The following SENP1 variants were observed in gnomAD, a reference collection of about 807,000 sequenced individuals.
SENP1 encodes the protein SUMO specific peptidase 1.
In SENP1, 21 loss-of-function variants were observed where a neutral mutation model predicts 93.0. The observed-to-expected ratio is 0.23, with a 90% CI of 0.16 to 0.33. The LOEUF (loss-of-function observed/expected upper bound fraction) is 0.33. Ranked by LOEUF, SENP1 falls within the 10% of genes least tolerant of loss-of-function variation. The pLI is 1.00. For synonymous variants in SENP1, 256 were observed against 259.6 expected (o/e 0.99, Z 0.13); for missense variants, 591 against 758.7 (o/e 0.78, Z 2.60).
chr12:48,067,808 T>TA (rs1193598266), intron 9 of SENP1, among the ~76,000 whole-genome samples: 188 of 144,344 alleles, frequency 1.3e-3, no homozygotes, highest in Non-Finnish European at 1.9e-3. Context: ...TTCTGTCTCT[T>TA]AAAAAAAAAA....
At chr12:48,089,661 T>C (rs756833888) in intron 4 of SENP1, among the ~76,000 whole-genome samples, 1 of 152,236 alleles carries the variant, frequency 6.6e-6, no homozygotes, top group African/African-American at 2.4e-5. Context: ...ATCAAAAACC[T>C]CCTGAAGTTT....
At chr12:48,073,840 A>T (rs556136618) in intron 8 of SENP1, among the ~76,000 whole-genome samples, 1 of 152,354 alleles carries the variant, frequency 6.6e-6, no homozygotes, top group South Asian at 2.1e-4. Flanking sequence ...CTGAGTATAT[A>T]TACTTTGACT....
intron 12 of SENP1, among the ~76,000 whole-genome samples, chr12:48,064,188 G>A (rs1943139023): frequency 6.6e-6 from 1 of 152,116 alleles, no homozygotes; most frequent in African/African-American, 2.4e-5. Context: ...ATGACTTCCT[G>A]AGAAACAGAA....
intron 6 of SENP1, among the ~76,000 whole-genome samples, chr12:48,078,459 T>C (rs761128467): frequency 4.2e-4 from 63 of 151,326 alleles, no homozygotes; most frequent in Non-Finnish European, 7.8e-4. Flanking sequence ...TTTGAACAGT[T>C]CTTTGGTGGA....
chr12:48,078,315 TTTTA>T (rs1592396205), intron 6 of SENP1, among the ~76,000 whole-genome samples: 2 of 6,636 alleles, frequency 3.0e-4, no homozygotes, highest in South Asian at 0.011. Flanking sequence ...GTCTGTAGGA[TTTTA>T]TATATATATA....
intron 12 of SENP1, 25 bp downstream of exon 12, chr12:48,065,040 T>A (rs750192775): frequency 6.8e-7 from 1 of 1,465,478 alleles, no homozygotes; most frequent in Non-Finnish European, 9.5e-7. Context: ...CTTAGTAGTG[T>A]AGAAATTAAG....
intron 5 of SENP1, among the ~76,000 whole-genome samples, chr12:48,087,595 G>A (rs1012182109): frequency 1.1e-4 from 17 of 152,182 alleles, no homozygotes; most frequent in African/African-American, 4.1e-4. Flanking sequence ...ACACACCAAG[G>A]AAAAGGGATT....
At chr12:48,089,864 TCTTTTAAAACATA>T (rs1443257832) in intron 4 of SENP1, among the ~76,000 whole-genome samples, 2 of 152,232 alleles carry the variant, frequency 1.3e-5, no homozygotes, top group African/African-American at 4.8e-5. Flanking sequence ...TTGAAGATAT[TCTTTTAAAACATA>T]TTACTATAGA....
intron 6 of SENP1, among the ~76,000 whole-genome samples, chr12:48,082,586 T>C (rs1944563561): frequency 6.6e-6 from 1 of 151,514 alleles, no homozygotes; most frequent in Admixed American, 6.6e-5. Context: ...TGCAAGGTAA[T>C]TATTATTCAT....
chr12:48,054,397 C>T (rs1264441292), intron 13 of SENP1, among the ~76,000 whole-genome samples: 2 of 152,144 alleles, frequency 1.3e-5, no homozygotes, highest in Admixed American at 1.3e-4. Context: ...GTTCTGAAAT[C>T]TAATTTGTAT....
intron 1 of SENP1, among the ~76,000 whole-genome samples, chr12:48,102,431 C>CAA (rs57161608): frequency 0.011 from 531 of 46,838 alleles, 6 homozygotes; most frequent in African/African-American, 0.032. Context: ...GACTCTGTCT[C>CAA]AAAAAAAAAA....
chr12:48,098,382 C>T (rs1033034706), intron 2 of SENP1, among the ~76,000 whole-genome samples: 2 of 151,992 alleles, frequency 1.3e-5, no homozygotes, highest in African/African-American at 4.8e-5. Context: ...TGGTGGCTCA[C>T]ACCTGTAATC....
intron 4 of SENP1, among the ~76,000 whole-genome samples, chr12:48,093,781 A>G (rs531526526): frequency 1.3e-5 from 2 of 152,068 alleles, no homozygotes; most frequent in South Asian, 4.1e-4. Context: ...CCTGGACAAC[A>G]TGGCGAAACT....
chr12:48,066,798 C>T, intron 10 of SENP1, 129 bp downstream of exon 10: 1 of 726,994 alleles, frequency 1.4e-6, no homozygotes, highest in South Asian at 1.6e-5. Context: ...AGGCGTGAGC[C>T]ACCGCGCCCA....
Position 48,048,070 on chromosome 12 carries a change from A to C in SENP1, c.1622T>G (p.Phe541Cys). 6.2e-7 allele frequency: 1 copy of C among 1,602,010 alleles called. No individual in the cohort carries two copies. The highest frequency in any genetic ancestry group is 8.6e-7 in the Non-Finnish European group (1 of 1,169,334). ...GVHWCLAVVD[F>C]RKKNITYYDS... The stretch of plus-strand genomic sequence containing the variant: ...GTAATAGGTAATATTCTTCTTTCTA[A>C]AGTCCACAACCTGAGAATAAGAAAA... Residue 541 changes from phenylalanine to cysteine, a missense_variant, in exon 15 of 18, where the codon TTT (phenylalanine) becomes TGT (cysteine). Phe to Cys is a radical substitution (Grantham distance 205, BLOSUM62 -2). Around this residue, in one of 4 missense-constraint regions of SENP1, gnomAD observed 132 missense variants for 230.1 expected, o/e 0.57. Coordinates refer to ENST00000549518, the MANE Select transcript of SENP1 (RefSeq NM_001267594.2).
At chr12:48,073,460 G>A (rs1943855719) in intron 8 of SENP1, among the ~76,000 whole-genome samples, 1 of 151,536 alleles carries the variant, frequency 6.6e-6, no homozygotes, top group South Asian at 2.1e-4. Context: ...GGAGGGGAAA[G>A]ACTAGTGCTC....
In SENP1 at chr12:48,063,756, C is replaced by T. The variant is rs753146530; in HGVS notation, c.1361G>A (p.Arg454His). The T allele has an allele frequency of 5.6e-6, 9 of 1,613,060 alleles. No homozygotes were observed. The highest frequency in any genetic ancestry group is 3.3e-5 in the South Asian group (3 of 91,030). The change falls in exon 13 of 18, where the codon CGC (arginine) becomes CAC (histidine). Residue 454 changes from arginine to histidine, a missense_variant. Arg to His is a conservative substitution (Grantham distance 29). Coordinates refer to ENST00000549518, the MANE Select transcript of SENP1 (RefSeq NM_001267594.2). The stretch of plus-strand genomic sequence containing the variant: ...ATGGTTTAGAGTTTGAATATCTTTG[C>T]GTGTAATGGTCAGGCGAAATGCTTC... The part of the protein sequence containing the change: ...LSEAFRLTIT[R>H]KDIQTLNHLN...
intron 17 of SENP1, 43 bp from the exon 18 acceptor site, chr12:48,045,427 C>T: frequency 1.3e-6 from 2 of 1,546,918 alleles, no homozygotes; most frequent in Non-Finnish European, 1.8e-6. Flanking sequence ...ATGCTTTTGT[C>T]TAGACCTGAT....
At chr12:48,052,884 T>C (rs1367935957) in intron 13 of SENP1, among the ~76,000 whole-genome samples, 5 of 152,222 alleles carry the variant, frequency 3.3e-5, no homozygotes, top group Non-Finnish European at 7.3e-5. Context: ...TAGAAAACTT[T>C]AGTTCTGATC....
Sources: gnomAD v4.1 joint callset for allele counts (sites outside exome capture counted in the v4.1 genomes callset) on GRCh38, gnomAD v4.1.1 for gene constraint, gnomAD v4.1.1 regional missense constraint, MANE v1.5 for transcripts, NCBI Gene and HGNC (gene_info 2026-07-23, HGNC 2026-07-21) for gene names.